The following SLC2A12 variants were observed in gnomAD, a reference collection of about 807,000 sequenced individuals.
The protein encoded by SLC2A12 is solute carrier family 2 member 12.
A neutral mutation model predicts 41.8 loss-of-function variants in SLC2A12; 23 were observed. The ratio of observed to expected loss-of-function variants is 0.55; its 90% CI spans 0.40 to 0.78. The LOEUF (loss-of-function observed/expected upper bound fraction) is 0.78. SLC2A12 is among the 30% of genes least tolerant of loss of function. The pLI, the probability that SLC2A12 is intolerant of heterozygous loss-of-function variation, is 0.00. For synonymous variants in SLC2A12, 295 were observed against 285.9 expected, an observed-to-expected ratio of 1.03 and a Z score of -0.32; for missense variants, 654 against 745.6, an observed-to-expected ratio of 0.88 and a Z score of 1.43.
rs966796609 is a variant in SLC2A12 at position 134,012,056 on chromosome 6, TAATA to T, written c.1445-5126_1445-5123del. On this transcript the variant is annotated intron_variant, in intron 2 of 4. Coordinates refer to ENST00000275230, the MANE Select transcript of SLC2A12 (RefSeq NM_145176.3). ...GGCTGCCTCCCCCAAAATAAATAAATAATAAATAAATAAACCCCACTATAGGATA... is the reference window on the plus strand; with the variant it reads ...GGCTGCCTCCCCCAAAATAAATAAATAATAAATAAACCCCACTATAGGATA... 7.2e-5 allele frequency among the ~76,000 whole-genome samples: 11 copies of T among 152,128 alleles called. 1 individual carries two copies. In the East Asian group the frequency reaches 2.1e-3, roughly 29 times the overall value.
In SLC2A12 at chr6:134,029,359, C is replaced by A. The variant is rs567895578; in HGVS notation, c.466G>T (p.Ala156Ser). The change falls in exon 2 of 5, where the codon GCA becomes TCA. Residue 156 changes from alanine (A) to serine (S), a missense_variant. Ala to Ser is a moderately conservative substitution (Grantham distance 99, BLOSUM62 1). Transcript: ENST00000275230. ...LSSIATCVYI[A>S]EIAPQHRRGL... is the part of the protein sequence containing the mutation. Reference sequence around the variant, plus strand: ...CTTCTGTGTTGAGGAGCAATCTCTGCGATGTAAACACAAGTGGCAATGGAA... The same window carrying A: ...CTTCTGTGTTGAGGAGCAATCTCTGAGATGTAAACACAAGTGGCAATGGAA... 2 of 1,614,124 alleles carry A rather than the reference C, an allele frequency of 1.2e-6. No individual in the cohort carries two copies. The highest frequency in any genetic ancestry group is 2.2e-5 in the South Asian group (2 of 91,072).
chr6:134,002,163 G>A (rs1175083065), intron 3 of SLC2A12, 34 bp from the exon 4 acceptor site: 3 of 1,584,562 alleles, frequency 1.9e-6, no homozygotes, highest in Non-Finnish European at 1.7e-6. Flanking sequence ...TTAGAAATGT[G>A]TTTTGTGTAG....
chr6:134,023,980 G>T (rs543757249), intron 2 of SLC2A12, among the ~76,000 whole-genome samples: 187 of 152,324 alleles, frequency 1.2e-3, no homozygotes, highest in African/African-American at 4.3e-3. Context: ...AAATTTGCAT[G>T]ATTTGGAAGG....
intron 2 of SLC2A12, among the ~76,000 whole-genome samples, chr6:134,009,753 G>A (rs1776856653): frequency 1.3e-5 from 2 of 152,290 alleles, no homozygotes; most frequent in African/African-American, 4.8e-5. Flanking sequence ...GCTGAGGCAG[G>A]AGGATCACAT....
chr6:134,016,569 T>A (rs1321044472), intron 2 of SLC2A12, among the ~76,000 whole-genome samples: 1 of 151,986 alleles, frequency 6.6e-6, no homozygotes, highest in Non-Finnish European at 1.5e-5. Flanking sequence ...ATCATTAAAC[T>A]GTGACAGGTT....
intron 1 of SLC2A12, among the ~76,000 whole-genome samples, chr6:134,042,248 A>G (rs190852812): frequency 1.3e-5 from 2 of 152,344 alleles, no homozygotes; most frequent in Admixed American, 6.5e-5. Flanking sequence ...TGCTTTTTAA[A>G]TTATTTAATT....
intron 1 of SLC2A12, among the ~76,000 whole-genome samples, chr6:134,046,099 C>T (rs1369986365): frequency 3.9e-5 from 6 of 152,200 alleles, no homozygotes; most frequent in African/African-American, 1.4e-4. Flanking sequence ...AAAAACTTTG[C>T]ACATCTGAAG....
chr6:134,031,402 A>G (rs1273877095), intron 1 of SLC2A12, among the ~76,000 whole-genome samples: 1 of 131,708 alleles, frequency 7.6e-6, no homozygotes, highest in Non-Finnish European at 1.6e-5. Context: ...ACAAAAAAAC[A>G]AAAAACAAAA....
At chr6:134,016,192 T>A (rs900345625) in intron 2 of SLC2A12, among the ~76,000 whole-genome samples, 1 of 151,978 alleles carries the variant, frequency 6.6e-6, no homozygotes, top group Non-Finnish European at 1.5e-5. Flanking sequence ...TAAATAGTCT[T>A]GGAGATAGAG....
chr6:134,025,906 T>C (rs1777106622), intron 2 of SLC2A12, among the ~76,000 whole-genome samples: 1 of 152,220 alleles, frequency 6.6e-6, no homozygotes, highest in South Asian at 2.1e-4. Context: ...CTTGCTCTAA[T>C]ACAATAAGGT....
chr6:134,021,028 C>G (rs1337182682), intron 2 of SLC2A12, among the ~76,000 whole-genome samples: 1 of 152,146 alleles, frequency 6.6e-6, no homozygotes, highest in Admixed American at 6.5e-5. Flanking sequence ...AAATATCTCC[C>G]GCTAATTGTT....
chr6:134,014,816 A>G (rs1167121350), intron 2 of SLC2A12, among the ~76,000 whole-genome samples: 1 of 152,216 alleles, frequency 6.6e-6, no homozygotes, highest in East Asian at 1.9e-4. Flanking sequence ...GCAGTTGCCC[A>G]TGGTGACAGG....
chr6:134,049,952 C>T (rs1309904535), intron 1 of SLC2A12, among the ~76,000 whole-genome samples: 1 of 152,182 alleles, frequency 6.6e-6, no homozygotes, highest in Non-Finnish European at 1.5e-5. Flanking sequence ...TGTAGAAAAG[C>T]TTGCTACCTT....
intron 2 of SLC2A12, among the ~76,000 whole-genome samples, chr6:134,021,735 G>T (rs181439864): frequency 1.3e-5 from 2 of 152,286 alleles, no homozygotes; most frequent in Non-Finnish European, 2.9e-5. Flanking sequence ...AAATTTATAC[G>T]TTTGGTAGCC....
At chr6:134,050,206 T>A (rs1036342223) in intron 1 of SLC2A12, among the ~76,000 whole-genome samples, 2 of 152,308 alleles carry the variant, frequency 1.3e-5, no homozygotes, top group African/African-American at 4.8e-5. Flanking sequence ...TTTATACATA[T>A]GTATGTATAA....
At position 134,029,562 on chromosome 6, in the gene SLC2A12, A is replaced by G. The variant is rs1777169295; in HGVS notation, c.263T>C (p.Ile88Thr). ...EQEMVVSSLV[I>T]GALLASLTGG... ...GGTGAGTGAGGCAAGGAGGGCTCCA[A>G]TGACGAGGGAGCTCACAACCATTTC... The change falls in exon 2 of 5, where the codon ATT (isoleucine) becomes ACT (threonine). Residue 88 changes from isoleucine (I) to threonine (T), a missense_variant. Around this residue, in one of 3 missense-constraint regions of SLC2A12, gnomAD observed 109 missense variants for 153.0 expected, o/e 0.71. Transcript: ENST00000275230. 2 of 1,614,166 alleles carry G rather than the reference A, an allele frequency of 1.2e-6. No homozygotes were observed. The highest frequency in any genetic ancestry group is 1.7e-6 in the Non-Finnish European group (2 of 1,180,018).
At chr6:134,012,966 C>A (rs916710590) in intron 2 of SLC2A12, among the ~76,000 whole-genome samples, 2 of 152,052 alleles carry the variant, frequency 1.3e-5, no homozygotes, top group African/African-American at 4.8e-5. Flanking sequence ...CAGAGCAAGA[C>A]CCTGTCTCTT....
intron 3 of SLC2A12, 63 bp downstream of exon 3, chr6:134,006,749 G>A: frequency 1.9e-6 from 3 of 1,597,948 alleles, no homozygotes; most frequent in Non-Finnish European, 2.6e-6. Context: ...TTAGGTGGGT[G>A]TGATTCCCTA....
At chr6:134,046,826 T>C (rs1030572602) in intron 1 of SLC2A12, among the ~76,000 whole-genome samples, 1 of 152,036 alleles carries the variant, frequency 6.6e-6, no homozygotes, top group Non-Finnish European at 1.5e-5. Context: ...GAATGATTAG[T>C]ATTACTGGGG....
Sources: gnomAD v4.1 joint callset for allele counts (sites outside exome capture counted in the v4.1 genomes callset) on GRCh38, gnomAD v4.1.1 for gene constraint, gnomAD v4.1.1 regional missense constraint, MANE v1.5 for transcripts, NCBI Gene and HGNC (gene_info 2026-07-23, HGNC 2026-07-21) for gene names.